PTK2: variants seen among roughly 807,000 people sequenced by gnomAD.
The protein encoded by PTK2 is protein tyrosine kinase 2.
In PTK2, 45 loss-of-function variants were observed where a neutral mutation model predicts 150.1. The ratio of observed to expected loss-of-function variants is 0.30; its 90% CI spans 0.24 to 0.38. PTK2 has a LOEUF of 0.38. PTK2 is among the 10% of genes least tolerant of loss of function. The pLI, the probability that PTK2 is intolerant of heterozygous loss-of-function variation, is 1.00. For missense variants in PTK2, 919 were observed against 1,307.3 expected (o/e 0.70, Z 4.58); for synonymous variants, 432 against 449.2 (o/e 0.96, Z 0.48).
chr8:140,749,340 A>G (rs184865747), intron 17 of PTK2, among the ~76,000 whole-genome samples: 83 of 152,340 alleles, frequency 5.4e-4, no homozygotes, highest in South Asian at 2.7e-3. Flanking sequence ...ACTATTTATT[A>G]TAACTTTTGG....
intron 27 of PTK2, among the ~76,000 whole-genome samples, chr8:140,681,957 G>A (rs967419966): frequency 1.2e-4 from 18 of 152,140 alleles, no homozygotes; most frequent in African/African-American, 2.4e-4. Flanking sequence ...CAAGCTTAGC[G>A]TTCCAATAAT....
intron 2 of PTK2, among the ~76,000 whole-genome samples, chr8:140,903,016 G>A (rs1248990291): frequency 1.7e-5 from 2 of 117,106 alleles, no homozygotes; most frequent in South Asian, 5.9e-4. Flanking sequence ...GGCTTTTGTT[G>A]CCATTGCTTC....
chr8:140,888,407 T>C (rs1424067108), intron 3 of PTK2, among the ~76,000 whole-genome samples: 1 of 152,214 alleles, frequency 6.6e-6, no homozygotes, highest in Non-Finnish European at 1.5e-5. Flanking sequence ...GAAAGGGCTA[T>C]GGTGAATTCA....
At position 140,682,313 on chromosome 8, in the gene PTK2, C is replaced by T. The variant is rs191824388; in HGVS notation, c.2562+4319G>A. Among the ~76,000 whole-genome samples the T allele has an allele frequency of 9.2e-5, 14 of 152,128 alleles. No homozygotes were observed. In the East Asian group the frequency reaches 1.4e-3, roughly 15 times the overall value. Reference sequence around the variant, plus strand: ...ACAAGAATCGCTTGAAACTGGGAGGCGGAGGTTATCACGCCACTGTACTCC... The same window carrying T: ...ACAAGAATCGCTTGAAACTGGGAGGTGGAGGTTATCACGCCACTGTACTCC... On this transcript the variant is annotated intron_variant, in intron 27 of 31. Transcript: ENST00000522684.
chr8:140,760,827 T>C (rs1308484636), intron 16 of PTK2, among the ~76,000 whole-genome samples: 2 of 152,214 alleles, frequency 1.3e-5, no homozygotes, highest in Non-Finnish European at 2.9e-5. Flanking sequence ...CATTTCTTTC[T>C]CAAAAATGCA....
chr8:140,803,505 A>T (rs780169560), intron 11 of PTK2, 38 bp downstream of exon 11: 1 of 1,517,612 alleles, frequency 6.6e-7, no homozygotes, highest in Non-Finnish European at 9.2e-7. Flanking sequence ...TCCCTATTTA[A>T]CCATTTTCCC....
At chr8:140,734,748 A>G (rs1349815797) in intron 22 of PTK2, 3 of 518,406 alleles carry the variant, frequency 5.8e-6, no homozygotes, top group Non-Finnish European at 1.2e-5. Context: ...GTTGATTAGG[A>G]AGCCTTCCTG....
At chr8:140,808,869 T>TG (rs2100099757) in intron 10 of PTK2, among the ~76,000 whole-genome samples, 1 of 151,638 alleles carries the variant, frequency 6.6e-6, no homozygotes, top group South Asian at 2.1e-4. Context: ...CTGAAGTAGC[T>TG]GGGACTATAG....
intron 27 of PTK2, chr8:140,675,800 A>G: frequency 4.1e-6 from 1 of 244,118 alleles, no homozygotes; most frequent in Non-Finnish European, 7.8e-6. Flanking sequence ...GGAGAATGTA[A>G]ATTAGTACAA....
chr8:140,793,981 T>C (rs1213112632), intron 12 of PTK2, among the ~76,000 whole-genome samples: 1 of 152,214 alleles, frequency 6.6e-6, no homozygotes, highest in Non-Finnish European at 1.5e-5. Context: ...CATGCCGGCC[T>C]GACCACAGTG....
At chr8:140,802,096 T>C (rs2100095417) in intron 11 of PTK2, among the ~76,000 whole-genome samples, 1 of 150,478 alleles carries the variant, frequency 6.6e-6, no homozygotes, top group African/African-American at 2.5e-5. Context: ...AAAAAAAAAG[T>C]TAAATGTAAA....
At chr8:140,819,149 T>C in intron 8 of PTK2, 129 bp from the exon 9 acceptor site, 1 of 889,248 alleles carries the variant, frequency 1.1e-6, no homozygotes, top group Non-Finnish European at 1.6e-6. Flanking sequence ...CCAAAAAGTA[T>C]ACTTGTCAAA....
At chr8:140,898,102 C>T (rs2100157026) in intron 2 of PTK2, among the ~76,000 whole-genome samples, 1 of 152,152 alleles carries the variant, frequency 6.6e-6, no homozygotes, top group African/African-American at 2.4e-5. Context: ...CAACCTATCA[C>T]AGACCAATAC....
intron 31 of PTK2, among the ~76,000 whole-genome samples, chr8:140,660,296 T>A (rs1226861373): frequency 6.6e-6 from 1 of 152,200 alleles, no homozygotes; most frequent in African/African-American, 2.4e-5. Context: ...TGAGATACAG[T>A]AAGATGTGCT....
At chr8:140,907,787 C>A in intron 2 of PTK2, among the ~76,000 whole-genome samples, 1 of 152,204 alleles carries the variant, frequency 6.6e-6, no homozygotes, top group African/African-American at 2.4e-5. Context: ...ATGGCACCCA[C>A]GTTAAGAGAG....
chr8:140,838,974 C>A (rs2100120560), intron 7 of PTK2, among the ~76,000 whole-genome samples: 1 of 151,228 alleles, frequency 6.6e-6, no homozygotes, highest in Non-Finnish European at 1.5e-5. Flanking sequence ...CCACTGCACT[C>A]CAGCCTGGGC....
At chr8:140,732,596 G>A (rs753985396) in intron 22 of PTK2, 4 of 530,238 alleles carry the variant, frequency 7.5e-6, no homozygotes, top group South Asian at 5.7e-5. Context: ...TCCTCAAGGA[G>A]CTTCAGTCTA....
intron 1 of PTK2, among the ~76,000 whole-genome samples, chr8:140,951,242 A>T (rs1441175804): frequency 6.6e-6 from 1 of 152,064 alleles, no homozygotes; most frequent in African/African-American, 2.4e-5. Context: ...TTCCTTCCCA[A>T]ATTTCTGTCT....
intron 14 of PTK2, among the ~76,000 whole-genome samples, chr8:140,784,985 T>A (rs1405879550): frequency 6.6e-6 from 1 of 152,184 alleles, no homozygotes; most frequent in Non-Finnish European, 1.5e-5. Flanking sequence ...TGTAAGGATA[T>A]TGCTTTATTT....
Sources: gnomAD v4.1 joint callset for allele counts (sites outside exome capture counted in the v4.1 genomes callset) on GRCh38, gnomAD v4.1.1 for gene constraint, MANE v1.5 for transcripts, NCBI Gene and HGNC (gene_info 2026-07-23, HGNC 2026-07-21) for gene names.